The following OGFOD1 variants were observed in gnomAD, a reference collection of about 807,000 sequenced individuals.
OGFOD1 encodes prolyl 3-hydroxylase OGFOD1.
A neutral mutation model predicts 67.7 loss-of-function variants in OGFOD1; 54 were observed. The ratio of observed to expected loss-of-function variants is 0.80; its 90% CI spans 0.64 to 1.00. The LOEUF (loss-of-function observed/expected upper bound fraction) is 1.00, where lower values mean the gene tolerates loss of function less well. Among genes scored for constraint, OGFOD1 ranks in the 50% least tolerant of loss-of-function variants. OGFOD1 has a pLI of 0.00. For missense variants in OGFOD1, 606 were observed against 646.7 expected (o/e 0.94, Z 0.68); for synonymous variants, 221 against 227.0 (o/e 0.97, Z 0.24).
At chr16:56,459,345 A>G (rs188273206) in intron 3 of OGFOD1, among the ~76,000 whole-genome samples, 123 of 152,260 alleles carry the variant, frequency 8.1e-4, no homozygotes, top group African/African-American at 2.9e-3. Context: ...CCATCTCAAA[A>G]AAAAAAAAAA....
chr16:56,464,887 G>C (rs112462416), intron 4 of OGFOD1, among the ~76,000 whole-genome samples: 5 of 152,252 alleles, frequency 3.3e-5, no homozygotes, highest in African/African-American at 1.2e-4. Context: ...AAGTGTCTTT[G>C]CTATTAGGGT....
chr16:56,466,549 T>TA (rs1181490654), intron 5 of OGFOD1, among the ~76,000 whole-genome samples: 1 of 152,128 alleles, frequency 6.6e-6, no homozygotes, highest in African/African-American at 2.4e-5. Flanking sequence ...GTGGAGTGCA[T>TA]ATAAGGCTGC....
In OGFOD1 at chr16:56,454,643, AT is replaced by A. The variant is rs560461709; in HGVS notation, c.300+1237del. On this transcript the variant is annotated intron_variant, in intron 2 of 12. Transcript: ENST00000566157. Reference sequence around the variant, plus strand: ...AACCTCAGGGACATCTGTGCTTCAAATTGGGGGGGGAAAAAAAAAAGAAAGA... The same window carrying A: ...AACCTCAGGGACATCTGTGCTTCAAATGGGGGGGGAAAAAAAAAAGAAAGA... 1.1e-3 allele frequency: 371 copies of A among 326,516 alleles called. 2 individuals are homozygous for A. The highest frequency in any genetic ancestry group is 7.4e-3 in the African/African-American group (310 of 41,626). The allele number at this position is 326,516 out of a possible 1,614,324, so 20.2% of individuals were successfully genotyped here.
rs1319009151 is a variant in OGFOD1, at chr16:56,451,640, G to A, written c.28G>A (p.Gly10Ser). ...GAATGGGAAGCGGCCAGCGGAGCCC[G>A]GCCCAGCCCGGGTGGGAAAAAAGGG... MNGKRPAEPGPARVGKKGKK... is the reference protein window; with the variant it reads MNGKRPAEPSPARVGKKGKK... Residue 10 changes from glycine (G) to serine (S), a missense_variant, in exon 1 of 13, where the codon GGC (glycine) becomes AGC (serine). Gly to Ser is a moderately conservative substitution (Grantham distance 56, BLOSUM62 0). Transcript: ENST00000566157. 2 of 1,613,954 alleles carry A rather than the reference G, an allele frequency of 1.2e-6. No individual in the cohort carries two copies. The highest frequency in any genetic ancestry group is 1.7e-5 in the Admixed American group (1 of 60,028).
chr16:56,460,057 T>C (rs1962661876), intron 3 of OGFOD1, among the ~76,000 whole-genome samples: 1 of 152,244 alleles, frequency 6.6e-6, no homozygotes, highest in African/African-American at 2.4e-5. Context: ...TTCTTCTAAA[T>C]CCTGAAGTAT....
rs955255346 is a variant in OGFOD1 at position 56,475,992 on chromosome 16, A to G, written c.1468-52A>G. 4.2e-5 allele frequency: 63 copies of G among 1,507,076 alleles called. No homozygotes were observed. The Middle Eastern group carries it at 7.0e-4, about 17-fold the overall frequency. 93.4% of individuals were successfully genotyped at this position (1,507,076 alleles called of 1,614,324 possible). A position where few individuals can be genotyped will look rare whatever the true frequency, so the allele number is the denominator to read the frequency against. On this transcript the variant is annotated intron_variant, in intron 12 of 12. Coordinates refer to ENST00000566157, the MANE Select transcript of OGFOD1 (RefSeq NM_018233.4). ...TCTGTTCCATGGTTAATCATCCAAG[A>G]TTTGAGAATAAGTTCTGTGTTCTGA...
intron 8 of OGFOD1, among the ~76,000 whole-genome samples, chr16:56,468,595 A>G (rs1963002436): frequency 6.6e-6 from 1 of 152,048 alleles, no homozygotes; most frequent in African/African-American, 2.4e-5. Flanking sequence ...GCATGGTGGC[A>G]TGCACCTGTA....
At chr16:56,467,378 A>T in intron 7 of OGFOD1, 85 bp downstream of exon 7, 1 of 1,450,736 alleles carries the variant, frequency 6.9e-7, no homozygotes, top group East Asian at 2.3e-5. Flanking sequence ...GTTCCATTTA[A>T]TGAAACTGGA....
intron 3 of OGFOD1, among the ~76,000 whole-genome samples, chr16:56,460,711 C>T (rs1962684637): frequency 6.6e-6 from 1 of 152,186 alleles, no homozygotes; most frequent in Middle Eastern, 3.4e-3. Context: ...TAGAGATCAA[C>T]CTGGAGATTT....
Position 56,477,711 on chromosome 16 carries a change from A to G in OGFOD1, c.*1506A>G, listed in dbSNP as rs908205011. On this transcript the variant is annotated 3_prime_UTR_variant, in exon 13 of 13. Coordinates refer to ENST00000566157, the MANE Select transcript of OGFOD1 (RefSeq NM_018233.4). ...GATGCTGTTCTCATTCCATCCCAAT[A>G]GAGTCTTCTGTTTCCTTTCTCTTTT... is the stretch of plus-strand genomic sequence containing the variant. 4.6e-5 allele frequency: 7 copies of G among 152,162 alleles called. No homozygotes were observed. Among genetic ancestry groups the G allele is most frequent in the Non-Finnish European group, 1.0e-4 (7 of 68,040 alleles). 9.4% of individuals were successfully genotyped at this position (152,162 alleles called of 1,614,324 possible). A position where few individuals can be genotyped will look rare whatever the true frequency, so the allele number is the denominator to read the frequency against.
chr16:56,452,200 T>G, intron 1 of OGFOD1: 1 of 161,214 alleles, frequency 6.2e-6, no homozygotes, highest in African/African-American at 2.4e-5. Context: ...CAGGCTTCAG[T>G]AAATGTTTCC....
In OGFOD1 at chr16:56,466,965, C is replaced by A; in HGVS notation, c.655C>A (p.Gln219Lys). The A allele has an allele frequency of 6.2e-7, 1 of 1,605,748 alleles. No individual in the cohort carries two copies. The highest frequency in any genetic ancestry group is 1.7e-5 in the Admixed American group (1 of 60,006). The change falls in exon 6 of 13, where the codon CAG (glutamine) becomes AAG (lysine). Residue 219 changes from glutamine to lysine, a missense_variant and splice_region_variant. Transcript: ENST00000566157. Reference protein sequence around the residue: ...FFEVSPVSFHQVSEVLSEEKS... With the variant: ...FFEVSPVSFHKVSEVLSEEKS... ...TGAAGTATCTCCTGTGTCCTTTCAC[C>A]AGGTAAAGACTGTAAGCCACAAATA... is the stretch of plus-strand genomic sequence containing the variant.
At chr16:56,458,495 T>A (rs763740544) in intron 2 of OGFOD1, 53 bp from the exon 3 acceptor site, 2 of 1,512,254 alleles carry the variant, frequency 1.3e-6, no homozygotes, top group Non-Finnish European at 9.2e-7. Flanking sequence ...CTCTCCTTTG[T>A]GTGTCTCTTA....
At chr16:56,471,044 G>T (rs79573171) in intron 10 of OGFOD1, among the ~76,000 whole-genome samples, 6,468 of 152,030 alleles carry the variant, frequency 0.043, 213 homozygotes, top group East Asian at 0.16. Context: ...TTGTAATAGG[G>T]TTATATGACA....
In OGFOD1 at chr16:56,474,861, G is replaced by A. The variant is rs776668646; in HGVS notation, c.1319G>A (p.Arg440Lys). Residue 440 changes from arginine to lysine, a missense_variant, in exon 11 of 13, where the codon AGG (arginine) becomes AAG (lysine). By Grantham distance (26) the Arg-to-Lys change is conservative. Coordinates refer to ENST00000566157, the MANE Select transcript of OGFOD1 (RefSeq NM_018233.4). ...SSVPMCQGEL[R>K]HWKTGHYTLI... ...GTTCCCATGTGCCAAGGGGAACTGA[G>A]GCATTGGAAGACCGGTCACTACACT... The A allele has an allele frequency of 6.2e-7, 1 of 1,613,290 alleles. No homozygotes were observed. Among genetic ancestry groups the A allele is most frequent in the Non-Finnish European group, 8.5e-7 (1 of 1,179,546 alleles).
intron 10 of OGFOD1, among the ~76,000 whole-genome samples, chr16:56,473,802 G>T (rs1963315876): frequency 6.6e-6 from 1 of 151,306 alleles, no homozygotes; most frequent in Non-Finnish European, 1.5e-5. Context: ...ACATATAGGA[G>T]TATTAACCTT....
chr16:56,471,561 CTAT>C (rs1963185982), intron 10 of OGFOD1, among the ~76,000 whole-genome samples: 1 of 152,198 alleles, frequency 6.6e-6, no homozygotes, highest in African/African-American at 2.4e-5. Flanking sequence ...GCACTTACTA[CTAT>C]GTCAGTGAGA....
intron 3 of OGFOD1, 89 bp from the exon 4 acceptor site, chr16:56,462,445 G>A (rs978768752): frequency 2.7e-6 from 2 of 747,894 alleles, no homozygotes; most frequent in African/African-American, 3.5e-5. Context: ...GTGATCTCCA[G>A]GAAAGAAAAG....
At chr16:56,459,204 G>T (rs545426067) in intron 3 of OGFOD1, among the ~76,000 whole-genome samples, 6 of 152,238 alleles carry the variant, frequency 3.9e-5, no homozygotes, top group African/African-American at 1.4e-4. Context: ...GCTGGGCGCG[G>T]TGGCACATGC....
Sources: allele counts gnomAD v4.1 joint callset (sites outside exome capture counted in the v4.1 genomes callset), GRCh38; gene constraint gnomAD v4.1.1; transcripts MANE v1.5; gene names NCBI Gene and HGNC (gene_info 2026-07-23, HGNC 2026-07-21).